The following IL23R variants were observed in gnomAD, a reference collection of about 807,000 sequenced individuals.
IL23R encodes the protein interleukin-23 receptor.
Under a neutral mutation model 56.9 loss-of-function variants are expected in IL23R, and 34 were observed. The observed-to-expected ratio is 0.60, with a 90% CI of 0.45 to 0.80. The LOEUF is 0.80. Ranked by LOEUF, IL23R falls within the 30% of genes least tolerant of loss-of-function variation. IL23R has a pLI of 0.00. For missense variants in IL23R, 635 were observed against 730.0 expected (o/e 0.87, Z 1.50); for synonymous variants, 230 against 249.2 (o/e 0.92, Z 0.73).
chr1:67,196,029 TTG>T (rs1648121434), intron 4 of IL23R: 1 of 152,282 alleles, frequency 6.6e-6, no homozygotes, highest in Non-Finnish European at 1.5e-5. Flanking sequence ...TGGTGGAGCC[TTG>T]GTGGAGGGAC....
Position 67,152,007 on chromosome 1 carries a change from T to C in IL23R, c.-634+12846T>C, listed in dbSNP as rs971661318. ...TTTCTAATTCTGCGAAGAATGTAAA[T>C]GGTAGTTGGATGGGAATAGGCTTGA... On this transcript the variant is annotated intron_variant, in intron 1 of 10. Coordinates refer to the IL23R transcript ENST00000637002. Among the ~76,000 whole-genome samples, 4 of 152,182 alleles carry C rather than the reference T, an allele frequency of 2.6e-5. No individual in the cohort carries two copies. In the East Asian group the frequency reaches 7.7e-4, roughly 29 times the overall value.
chr1:67,200,928 A>G (rs773634310), intron 5 of IL23R, 31 bp downstream of exon 5: 6 of 1,607,154 alleles, frequency 3.7e-6, no homozygotes, highest in African/African-American at 2.7e-5. Context: ...TAAGTCTTTA[A>G]TAATAACCAG....
In IL23R at chr1:67,259,589, ACAGCT is replaced by A. The variant is rs1282853649; in HGVS notation, c.*463_*467del. ...ATTTTCCCTCATTGAAAGATGCAAAACAGCTCTCTATTGTGTACAGAAAGGGTAAA... is the reference window on the plus strand; with the variant it reads ...ATTTTCCCTCATTGAAAGATGCAAAACTCTATTGTGTACAGAAAGGGTAAA... On this transcript the variant is annotated 3_prime_UTR_variant, in exon 11 of 11. Coordinates refer to ENST00000347310, the MANE Select transcript of IL23R (RefSeq NM_144701.3). 4.8e-6 allele frequency: 1 copy of A among 207,174 alleles called. No homozygotes were observed. The highest frequency in any genetic ancestry group is 2.4e-5 in the African/African-American group (1 of 42,236). The allele number at this position is 207,174 out of a possible 1,614,324, so 12.8% of individuals were successfully genotyped here. A position where few individuals can be genotyped will look rare whatever the true frequency, so the allele number is the denominator to read the frequency against.
intron 4 of IL23R, 25 bp from the exon 5 acceptor site, chr1:67,200,712 G>A (rs753807635): frequency 6.8e-6 from 11 of 1,606,620 alleles, no homozygotes; most frequent in Non-Finnish European, 1.7e-6. Context: ...TACAATTTAT[G>A]ATCATCTTTT....
chr1:67,241,601 A>G (rs867493368), intron 9 of IL23R, among the ~76,000 whole-genome samples: 8 of 152,308 alleles, frequency 5.3e-5, no homozygotes, highest in Non-Finnish European at 8.8e-5. Flanking sequence ...TGTTCTCAGC[A>G]TGTAATTCAT....
intron 6 of IL23R, among the ~76,000 whole-genome samples, chr1:67,213,178 C>T (rs1470385471): frequency 1.3e-5 from 2 of 152,166 alleles, no homozygotes; most frequent in African/African-American, 4.8e-5. Context: ...CAATCTTGAG[C>T]ATGTTTCTTA....
intron 4 of IL23R, among the ~76,000 whole-genome samples, chr1:67,192,992 AC>A (rs1647861994): frequency 6.6e-6 from 1 of 152,102 alleles, no homozygotes; most frequent in Admixed American, 6.6e-5. Flanking sequence ...ACTCTATGTG[AC>A]CTTGCAAGTC....
intron 9 of IL23R, among the ~76,000 whole-genome samples, chr1:67,248,182 C>G (rs1652368315): frequency 6.6e-6 from 1 of 152,272 alleles, no homozygotes; most frequent in Non-Finnish European, 1.5e-5. Flanking sequence ...TGGGGAAGTT[C>G]TCCTGGATAA....
At chr1:67,156,049 C>T (rs1318358485) in intron 1 of IL23R, among the ~76,000 whole-genome samples, 1 of 152,174 alleles carries the variant, frequency 6.6e-6, no homozygotes, top group Non-Finnish European at 1.5e-5. Context: ...AGTCAGGTCC[C>T]TCTTCTGCAG....
At chr1:67,159,731 A>G (rs79485663) in intron 1 of IL23R, among the ~76,000 whole-genome samples, 2,913 of 152,312 alleles carry the variant, frequency 0.019, 85 homozygotes, top group African/African-American at 0.066. Context: ...GATAGATGCT[A>G]CATAAACATT....
At chr1:67,153,960 G>T (rs911183306) in intron 1 of IL23R, among the ~76,000 whole-genome samples, 1 of 152,128 alleles carries the variant, frequency 6.6e-6, no homozygotes, top group Non-Finnish European at 1.5e-5. Flanking sequence ...AGTGGAGACA[G>T]GGTTTCACCA....
At chr1:67,234,434 T>C (rs1404695114) in intron 7 of IL23R, among the ~76,000 whole-genome samples, 2 of 152,218 alleles carry the variant, frequency 1.3e-5, no homozygotes, top group Non-Finnish European at 2.9e-5. Flanking sequence ...CTGTTAGGGC[T>C]AATAAAACCC....
rs149515400 is a variant in IL23R, at chr1:67,206,768, T to C, written c.653-142T>C. On this transcript the variant is annotated intron_variant, in intron 5 of 10. Transcript: ENST00000347310. The stretch of plus-strand genomic sequence containing the variant: ...TAACAAATTAGCAAATAAGAAAATG[T>C]CCATAATTGTTCATTAGACCATGAA... The C allele has an allele frequency of 4.3e-6, 4 of 928,238 alleles. No homozygotes were observed. In the African/African-American group the frequency reaches 5.0e-5, roughly 12 times the overall value. The allele number at this position is 928,238 out of a possible 1,614,324, so 57.5% of individuals were successfully genotyped here. A position where few individuals can be genotyped will look rare whatever the true frequency, so the allele number is the denominator to read the frequency against.
At chr1:67,208,274 G>T (rs541973732) in intron 6 of IL23R, among the ~76,000 whole-genome samples, 7 of 149,888 alleles carry the variant, frequency 4.7e-5, no homozygotes, top group South Asian at 2.1e-4. Context: ...AACCCATTCT[G>T]GGGGGGAGAA....
At chr1:67,220,757 G>A (rs1324836440) in intron 7 of IL23R, among the ~76,000 whole-genome samples, 1 of 152,150 alleles carries the variant, frequency 6.6e-6, no homozygotes, top group Non-Finnish European at 1.5e-5. Flanking sequence ...CATAGTCCCA[G>A]CTACTTGGGG....
chr1:67,243,879 T>C (rs915268728), intron 9 of IL23R, among the ~76,000 whole-genome samples: 2 of 152,134 alleles, frequency 1.3e-5, no homozygotes, highest in African/African-American at 2.4e-5. Flanking sequence ...CTTGAGGAAT[T>C]GCCACACTGT....
At chr1:67,146,393 T>C (rs1420115940) in intron 1 of IL23R, among the ~76,000 whole-genome samples, 1 of 152,200 alleles carries the variant, frequency 6.6e-6, no homozygotes, top group African/African-American at 2.4e-5. Flanking sequence ...ACTGTTGTCA[T>C]GAATACTGCT....
upstream of IL23R, among the ~76,000 whole-genome samples, chr1:67,162,013 G>A (rs941407033): frequency 6.6e-6 from 1 of 151,964 alleles, no homozygotes; most frequent in South Asian, 2.1e-4. Flanking sequence ...AAACTAAGAC[G>A]AGGCTGTTAA....
intron 3 of IL23R, among the ~76,000 whole-genome samples, chr1:67,175,055 T>C (rs964036521): frequency 2.0e-5 from 3 of 151,918 alleles, no homozygotes; most frequent in Non-Finnish European, 2.9e-5. Flanking sequence ...CTCCTATTAG[T>C]CGGCCTACCT....
Sources: allele counts gnomAD v4.1 joint callset (sites outside exome capture counted in the v4.1 genomes callset), GRCh38; gene constraint gnomAD v4.1.1; transcripts MANE v1.5; gene names NCBI Gene and HGNC (gene_info 2026-07-23, HGNC 2026-07-21).